MYO1H: variants seen among roughly 807,000 people sequenced by gnomAD.
MYO1H encodes the protein unconventional myosin-Ih.
Under a neutral mutation model 149.3 loss-of-function variants are expected in MYO1H, and 118 were observed. The ratio of observed to expected loss-of-function variants is 0.79; its 90% CI spans 0.68 to 0.92. The LOEUF (loss-of-function observed/expected upper bound fraction) is 0.92, where lower values mean the gene tolerates loss of function less well. MYO1H is among the 40% of genes least tolerant of loss of function. MYO1H has a pLI of 0.00. For synonymous variants in MYO1H, 447 were observed against 465.2 expected (o/e 0.96, Z 0.50); for missense variants, 1,212 against 1,280.7 (o/e 0.95, Z 0.82).
At position 109,437,512 on chromosome 12, in the gene MYO1H, G is replaced by A. The variant is rs546873887; in HGVS notation, c.2209+956G>A. On this transcript the variant is annotated intron_variant, in intron 22 of 31. Coordinates refer to ENST00000310903, the Ensembl canonical transcript of MYO1H. ...ATTATAGGAAGTATTTTAGACTTGG[G>A]AGTCTTATGGTCTCCATCGCAGTAA... 1.5e-3 allele frequency among the ~76,000 whole-genome samples: 232 copies of A among 152,230 alleles called. 2 individuals are homozygous for A. The highest frequency in any genetic ancestry group is 5.1e-3 in the African/African-American group (210 of 41,544).
At chr12:109,406,159 A>G (rs1380939061) in intron 8 of MYO1H, 124 bp downstream of exon 8, 5 of 663,626 alleles carry the variant, frequency 7.5e-6, no homozygotes, top group Non-Finnish European at 1.3e-5. Context: ...GATATTGGTT[A>G]GGAGGTTTAA....
intron 3 of MYO1H, among the ~76,000 whole-genome samples, chr12:109,394,610 AG>A (rs1344522786): frequency 6.7e-6 from 1 of 149,802 alleles, no homozygotes; most frequent in Non-Finnish European, 1.5e-5. Flanking sequence ...AAAAAAAAAA[AG>A]GAAACTTGAG....
the MYO1H span, among the ~76,000 whole-genome samples, chr12:109,327,134 C>CTTTTTTTTTTTTTT: frequency 1.1e-5 from 1 of 94,744 alleles, no homozygotes; most frequent in African/African-American, 4.6e-5. Flanking sequence ...TTTTCTTTTT[C>CTTTTTTTTTTTTTT]TTTTTTTTTT....
At chr12:109,443,789 G>GC in intron 28 of MYO1H, 140 bp downstream of exon 28, 1 of 878,956 alleles carries the variant, frequency 1.1e-6, no homozygotes, top group Non-Finnish European at 1.7e-6. Flanking sequence ...TGTAGTCTCA[G>GC]CTACTCGGAA....
chr12:109,321,308 G>A, the MYO1H span, among the ~76,000 whole-genome samples: 90 of 152,226 alleles, frequency 5.9e-4, 1 homozygote, highest in African/African-American at 2.0e-3. Flanking sequence ...ATCCAGCACT[G>A]GGAGGCTGAG....
At chr12:109,395,201 T>G (rs144633326) in intron 3 of MYO1H, among the ~76,000 whole-genome samples, 1 of 152,230 alleles carries the variant, frequency 6.6e-6, no homozygotes, top group Non-Finnish European at 1.5e-5. Context: ...GTCCTAAAGA[T>G]ATCACTGAAG....
At chr12:109,359,352 G>C (rs962338778) in intron 1 of MYO1H, 1 of 152,154 alleles carries the variant, frequency 6.6e-6, no homozygotes, top group South Asian at 2.1e-4. Context: ...ATGAAATATC[G>C]GGCAGTTTCA....
chr12:109,374,516 T>A (rs566558038), intron 1 of MYO1H, among the ~76,000 whole-genome samples: 1 of 152,216 alleles, frequency 6.6e-6, no homozygotes, highest in Non-Finnish European at 1.5e-5. Context: ...TAGTAACATA[T>A]TCTTTTATTG....
exon 24 of MYO1H, chr12:109,439,775 T>C (rs1872035378): frequency 1.9e-6 from 3 of 1,613,838 alleles, no homozygotes; most frequent in Non-Finnish European, 1.7e-6. Flanking sequence ...TGAGGCCTCC[T>C]GGCATCTTGG....
chr12:109,434,974 C>A, intron 20 of MYO1H, 63 bp from the exon 21 acceptor site: 1 of 985,860 alleles, frequency 1.0e-6, no homozygotes, highest in Non-Finnish European at 1.5e-6. Flanking sequence ...AAGGGGGCAC[C>A]GTTCAACCCA....
intron 31 of MYO1H, chr12:109,446,170 A>G (rs991532655): frequency 4.1e-5 from 40 of 985,328 alleles, no homozygotes; most frequent in Non-Finnish European, 4.7e-5. Context: ...TCTAACAAGC[A>G]CAGAGGTTTG....
Position 109,425,761 on chromosome 12 carries a change from G to A in MYO1H, c.1726-185G>A, listed in dbSNP as rs1871330084. On this transcript the variant is annotated intron_variant, in intron 17 of 31. Coordinates refer to ENST00000310903, the Ensembl canonical transcript of MYO1H. ...CTTCCACGTGACCAGACCAAGACTGGCCTTCTCAGGTCAGGACATCCAAAG... is the reference window on the plus strand; with the variant it reads ...CTTCCACGTGACCAGACCAAGACTGACCTTCTCAGGTCAGGACATCCAAAG... 1.3e-5 allele frequency among the ~76,000 whole-genome samples: 2 copies of A among 152,166 alleles called. 1 individual carries two copies. The highest frequency in any genetic ancestry group is 4.1e-4 in the South Asian group (2 of 4,828).
rs147507997 is a variant in MYO1H, at chr12:109,375,744, G to A, written c.13-12939G>A. Among the ~76,000 whole-genome samples the A allele has an allele frequency of 8.3e-3, 1,257 of 152,234 alleles. 10 individuals carry two copies. The highest frequency in any genetic ancestry group is 0.011 in the Non-Finnish European group (766 of 68,028). ...TGTAATCCCAGCACTTTGGAAGGCC[G>A]AGGCAGATGGATCACTTGAGCCTAG... On this transcript the variant is annotated intron_variant, in intron 1 of 31. Coordinates refer to ENST00000310903, the Ensembl canonical transcript of MYO1H.
chr12:109,431,901 T>C (rs1871636883), intron 19 of MYO1H, among the ~76,000 whole-genome samples: 1 of 149,832 alleles, frequency 6.7e-6, no homozygotes, highest in African/African-American at 2.5e-5. Context: ...CCCTGAAGCC[T>C]CAACCTCCTG....
intron 13 of MYO1H, 111 bp downstream of exon 13, chr12:109,410,879 C>T (rs1302657728): frequency 1.3e-5 from 9 of 713,308 alleles, no homozygotes; most frequent in African/African-American, 5.4e-5. Flanking sequence ...CGGTGGCTCA[C>T]GCCTGTAATT....
intron 15 of MYO1H, among the ~76,000 whole-genome samples, chr12:109,418,837 C>A (rs1296634361): frequency 6.6e-6 from 1 of 152,148 alleles, no homozygotes; most frequent in Non-Finnish European, 1.5e-5. Context: ...AGCCACCGCA[C>A]CCAGCATTAT....
At chr12:109,410,572 A>G (rs988975861) in intron 12 of MYO1H, 116 bp from the exon 13 acceptor site, 1 of 698,934 alleles carries the variant, frequency 1.4e-6, no homozygotes, top group Middle Eastern at 3.0e-4. Context: ...AATTTGTTTA[A>G]GGTTGAATAT....
At chr12:109,410,406 T>C (rs1344739573) in intron 12 of MYO1H, among the ~76,000 whole-genome samples, 1 of 152,182 alleles carries the variant, frequency 6.6e-6, no homozygotes, top group Non-Finnish European at 1.5e-5. Context: ...CCTCCCAAAG[T>C]ACTGGGATTA....
chr12:109,347,271 A>G (rs10774656), upstream of MYO1H, among the ~76,000 whole-genome samples: 45,830 of 152,074 alleles, frequency 0.3, 7,483 homozygotes, highest in Middle Eastern at 0.4. Flanking sequence ...TTATACGATG[A>G]GGCCCAGACC....
Sources: allele counts gnomAD v4.1 joint callset (sites outside exome capture counted in the v4.1 genomes callset), GRCh38; gene constraint gnomAD v4.1.1; transcripts MANE v1.5; gene names NCBI Gene and HGNC (gene_info 2026-07-23, HGNC 2026-07-21).